NCAM1: variants seen among roughly 807,000 people sequenced by gnomAD.
NCAM1 encodes the protein antigen recognized by monoclonal antibody 5.1H11.
In NCAM1, 14 loss-of-function variants were observed where a neutral mutation model predicts 109.8. The ratio of observed to expected loss-of-function variants is 0.13; its 90% CI spans 0.08 to 0.20. The LOEUF is 0.20. Ranked by LOEUF, NCAM1 falls within the 10% of genes least tolerant of loss-of-function variation. The pLI is 1.00. For synonymous variants in NCAM1, 418 were observed against 442.9 expected, an observed-to-expected ratio of 0.94 and a Z score of 0.70; for missense variants, 774 against 1,109.9, an observed-to-expected ratio of 0.70 and a Z score of 4.30.
intron 1 of NCAM1, 144 bp downstream of exon 1, chr11:112,961,808 C>T: frequency 1.5e-6 from 1 of 648,506 alleles, no homozygotes; most frequent in Non-Finnish European, 2.7e-6. Context: ...AGGAGCGCGT[C>T]GCCCTTGCTG....
chr11:113,093,777 G>T (rs1293646969), intron 1 of NCAM1, among the ~76,000 whole-genome samples: 5 of 152,218 alleles, frequency 3.3e-5, no homozygotes, highest in Admixed American at 1.3e-4. Flanking sequence ...TAAGCAGATG[G>T]ATTGGAGCAA....
chr11:113,002,060 C>G (rs1017069032), intron 1 of NCAM1, among the ~76,000 whole-genome samples: 1 of 152,116 alleles, frequency 6.6e-6, no homozygotes, highest in Admixed American at 6.5e-5. Flanking sequence ...CTGGTTAGTT[C>G]GGTTTAGGCC....
At chr11:113,190,828 A>G (rs1420605264) in intron 1 of NCAM1, among the ~76,000 whole-genome samples, 1 of 152,146 alleles carries the variant, frequency 6.6e-6, no homozygotes, top group Non-Finnish European at 1.5e-5. Context: ...TGGACTCTCC[A>G]TCCAGTAGAA....
chr11:113,041,570 A>G (rs1295010664), intron 1 of NCAM1, among the ~76,000 whole-genome samples: 4 of 152,214 alleles, frequency 2.6e-5, no homozygotes, highest in Non-Finnish European at 5.9e-5. Context: ...TGACAACTTG[A>G]TGCGAACCAA....
At chr11:113,164,998 G>T (rs984905214) in intron 1 of NCAM1, among the ~76,000 whole-genome samples, 1 of 152,158 alleles carries the variant, frequency 6.6e-6, no homozygotes, top group East Asian at 1.9e-4. Context: ...GAGAGTAGGA[G>T]CTGTATGTTG....
At chr11:113,104,207 T>TGGGGGGGGGGGGGGGGGGGGGG (rs1345382907) in intron 1 of NCAM1, among the ~76,000 whole-genome samples, 1 of 19,278 alleles carries the variant, frequency 5.2e-5, no homozygotes, top group African/African-American at 2.2e-4. Context: ...GGAGGTGGGG[T>TGGGGGGGGGGGGGGGGGGGGGG]GGGGGGGGGG....
At chr11:113,085,997 G>T (rs530853439) in intron 1 of NCAM1, among the ~76,000 whole-genome samples, 1 of 152,272 alleles carries the variant, frequency 6.6e-6, no homozygotes, top group Admixed American at 6.5e-5. Flanking sequence ...TCCATAAGCC[G>T]CATTACACAT....
At chr11:113,234,364 T>G (rs1483142335) in intron 13 of NCAM1, among the ~76,000 whole-genome samples, 4 of 152,110 alleles carry the variant, frequency 2.6e-5, no homozygotes, top group Admixed American at 2.0e-4. Flanking sequence ...TGGCATTAAG[T>G]TGTAACCATC....
Position 113,204,321 on chromosome 11 carries a change from T to C in NCAM1, c.163T>C (p.Phe55Leu), listed in dbSNP as rs782333170. ...GDAKDKDISW[F>L]SPNGEKLTPN... is the part of the protein sequence containing the mutation. ...TGCCAAAGATAAAGACATCTCCTGGTTCTCCCCCAATGGAGAAAAGCTCAC... is the reference window on the plus strand; with the variant it reads ...TGCCAAAGATAAAGACATCTCCTGGCTCTCCCCCAATGGAGAAAAGCTCAC... The change falls in exon 3 of 20, where the codon TTC becomes CTC. Residue 55 changes from phenylalanine to leucine, a missense_variant. By Grantham distance (22) the Phe-to-Leu change is conservative. Coordinates refer to ENST00000316851, the MANE Select transcript of NCAM1 (RefSeq NM_181351.5). 1 of 1,613,644 alleles carries C rather than the reference T, an allele frequency of 6.2e-7. No individual in the cohort carries two copies. Among genetic ancestry groups the C allele is most frequent in the Non-Finnish European group, 8.5e-7 (1 of 1,179,742 alleles).
intron 1 of NCAM1, among the ~76,000 whole-genome samples, chr11:112,976,856 G>A (rs4550255): frequency 6.6e-6 from 1 of 151,712 alleles, no homozygotes; most frequent in African/African-American, 2.4e-5. Flanking sequence ...TTTTTAAAAA[G>A]AACAGAAAAA....
chr11:113,272,322 A>G (rs1226945697), intron 19 of NCAM1, among the ~76,000 whole-genome samples: 3 of 151,946 alleles, frequency 2.0e-5, no homozygotes, highest in African/African-American at 4.8e-5. Context: ...GGACCCACGG[A>G]GCCCCAGACC....
At chr11:113,082,130 G>T (rs545736386) in intron 1 of NCAM1, among the ~76,000 whole-genome samples, 10 of 152,202 alleles carry the variant, frequency 6.6e-5, no homozygotes, top group Non-Finnish European at 1.2e-4. Flanking sequence ...GTCTGATATT[G>T]ATTATAGGCT....
At chr11:113,081,328 T>G (rs1280642121) in intron 1 of NCAM1, among the ~76,000 whole-genome samples, 2 of 152,148 alleles carry the variant, frequency 1.3e-5, no homozygotes, top group African/African-American at 4.8e-5. Flanking sequence ...GATCCCAGTT[T>G]CCGAGAAGTA....
chr11:113,004,282 C>T (rs1382121982), intron 1 of NCAM1, among the ~76,000 whole-genome samples: 4 of 152,040 alleles, frequency 2.6e-5, no homozygotes, highest in African/African-American at 9.7e-5. Flanking sequence ...ATCACAAGGT[C>T]AGGAGTTCAA....
At chr11:113,201,171 C>G (rs1404122276) in intron 1 of NCAM1, among the ~76,000 whole-genome samples, 1 of 152,150 alleles carries the variant, frequency 6.6e-6, no homozygotes, top group African/African-American at 2.4e-5. Context: ...GGCCGCACCC[C>G]CTTCCCAGCC....
intron 1 of NCAM1, among the ~76,000 whole-genome samples, chr11:113,088,316 TG>T (rs782164687): frequency 1.6e-4 from 24 of 152,210 alleles, no homozygotes; most frequent in Non-Finnish European, 3.1e-4. Flanking sequence ...GATTAGAAGA[TG>T]GTAATTCGGG....
chr11:113,155,980 G>A (rs782694176), intron 1 of NCAM1, among the ~76,000 whole-genome samples: 2 of 152,152 alleles, frequency 1.3e-5, no homozygotes, highest in Non-Finnish European at 2.9e-5. Context: ...AAGATTGGTG[G>A]AGGGAAAGAG....
intron 9 of NCAM1, among the ~76,000 whole-genome samples, chr11:113,227,503 A>G (rs1944886548): frequency 6.6e-6 from 1 of 152,270 alleles, no homozygotes. Context: ...TACCAGAGGT[A>G]CAAGGAGGAG....
intron 1 of NCAM1, among the ~76,000 whole-genome samples, chr11:112,998,872 T>G (rs1275868805): frequency 6.6e-6 from 1 of 152,200 alleles, no homozygotes; most frequent in African/African-American, 2.4e-5. Flanking sequence ...AACTTTTGGA[T>G]TCTGCCAAAT....
Sources: gnomAD v4.1 joint callset for allele counts (sites outside exome capture counted in the v4.1 genomes callset) on GRCh38, gnomAD v4.1.1 for gene constraint, MANE v1.5 for transcripts, NCBI Gene and HGNC (gene_info 2026-07-23, HGNC 2026-07-21) for gene names.